Variants in DOCK11 observed in about 807,000 individuals in gnomAD.
DOCK11 encodes dedicator of cytokinesis 11, also known as dedicator of cytokinesis protein 11.
Under a neutral mutation model 169.1 loss-of-function variants are expected in DOCK11, and 70 were observed. The ratio of observed to expected loss-of-function variants is 0.41; its 90% CI spans 0.34 to 0.51. The LOEUF is 0.51. Ranked by LOEUF, DOCK11 falls within the 20% of genes least tolerant of loss-of-function variation. The pLI is 0.10. For synonymous variants in DOCK11, 529 were observed against 541.3 expected (o/e 0.98, Z 0.32); for missense variants, 1,166 against 1,538.8 (o/e 0.76, Z 4.05).
At chrX:118,682,826 CT>C (rs1235481089) in intron 51 of DOCK11, among the ~76,000 whole-genome samples, 3 of 111,926 alleles carry the variant, frequency 2.7e-5, no homozygotes, top group African/African-American at 9.7e-5. Flanking sequence ...AGCAAGTAGG[CT>C]TTCCAGAGGG....
At chrX:118,496,685 G>T (rs930824034) in intron 1 of DOCK11, among the ~76,000 whole-genome samples, 12 of 112,032 alleles carry the variant, frequency 1.1e-4, no homozygotes, top group Non-Finnish European at 3.8e-5. Flanking sequence ...GTGCTGCTGC[G>T]GAGGAAGGGC....
chrX:118,645,084 G>A (rs779782127), intron 40 of DOCK11, among the ~76,000 whole-genome samples: 1 of 111,936 alleles, frequency 8.9e-6, no homozygotes, highest in East Asian at 2.8e-4. Context: ...ACAGTATGGT[G>A]GAGTGTGGTG....
At chrX:118,630,086 C>T (rs2015200027) in intron 34 of DOCK11, among the ~76,000 whole-genome samples, 1 of 110,937 alleles carries the variant, frequency 9.0e-6, no homozygotes, top group Non-Finnish European at 1.9e-5. Context: ...GCTATCTTTC[C>T]TTAAATAGCC....
intron 38 of DOCK11, among the ~76,000 whole-genome samples, chrX:118,640,525 C>G (rs2015503288): frequency 8.9e-6 from 1 of 112,088 alleles, no homozygotes; most frequent in Admixed American, 9.5e-5. Context: ...TTGAAAATGT[C>G]TGACCATAGG....
chrX:118,527,505 A>G (rs910604030), intron 1 of DOCK11, among the ~76,000 whole-genome samples: 1 of 111,990 alleles, frequency 8.9e-6, no homozygotes, highest in Non-Finnish European at 1.9e-5. Context: ...ATTACTGGGA[A>G]CACCGTAACT....
At chrX:118,683,044 A>G (rs1217688552) in intron 51 of DOCK11, 35 bp from the exon 52 acceptor site, 1 of 1,174,793 alleles carries the variant, frequency 8.5e-7, no homozygotes, top group South Asian at 2.0e-5. Flanking sequence ...CTAAGAATAA[A>G]TAACAAGACC....
chrX:118,683,060 C>T lies in DOCK11; in HGVS notation c.5964-19C>T. The T allele has an allele frequency of 8.4e-7, 1 of 1,190,483 alleles. No individual in the cohort carries two copies. The highest frequency in any genetic ancestry group is 1.9e-5 in the South Asian group (1 of 53,349). On this transcript the variant is annotated intron_variant, in intron 51 of 52. Transcript: ENST00000276202. ...TAAGAATAAATAACAAGACCTTTAT[C>T]TTTGATATTCATCCACAGGAAATTT...
At chrX:118,521,954 A>G (rs2011276720) in intron 1 of DOCK11, among the ~76,000 whole-genome samples, 1 of 112,212 alleles carries the variant, frequency 8.9e-6, no homozygotes, top group Non-Finnish European at 1.9e-5. Context: ...AGAGATTTAC[A>G]TTAATATCTT....
Position 118,654,708 on chromosome X carries a change from T to C in DOCK11, c.4802T>C (p.Ile1601Thr). The C allele has an allele frequency of 1.7e-6, 2 of 1,211,914 alleles. No individual in the cohort carries two copies. The highest frequency in any genetic ancestry group is 1.8e-5 in the South Asian group (1 of 57,013). The change falls in exon 43 of 53, where the codon ATT becomes ACT. Residue 1601 changes from isoleucine (I) to threonine (T), a missense_variant. Transcript: ENST00000276202. ...KEHEKDPEMLIDLQYSLAKSY... is the reference protein window; with the variant it reads ...KEHEKDPEMLTDLQYSLAKSY... ...CATGAGAAAGACCCTGAAATGCTAATTGATCTCCAGTATAGCTTAGCCAAG... is the reference window on the plus strand; with the variant it reads ...CATGAGAAAGACCCTGAAATGCTAACTGATCTCCAGTATAGCTTAGCCAAG...
intron 35 of DOCK11, among the ~76,000 whole-genome samples, chrX:118,631,962 T>C (rs138753282): frequency 0.054 from 5,936 of 110,367 alleles, 170 homozygotes; most frequent in Non-Finnish European, 0.081. Context: ...ACCATGACTG[T>C]TTTTGTTTTG....
At chrX:118,590,374 T>C (rs1466928052) in intron 19 of DOCK11, 72 bp downstream of exon 19, 3 of 858,976 alleles carry the variant, frequency 3.5e-6, no homozygotes, top group Non-Finnish European at 5.1e-6. Context: ...ATCATTTTCA[T>C]CATTTTACCA....
intron 1 of DOCK11, among the ~76,000 whole-genome samples, chrX:118,537,077 T>C (rs1182555620): frequency 8.9e-6 from 1 of 111,883 alleles, no homozygotes; most frequent in Non-Finnish European, 1.9e-5. Context: ...CCAAGACTGT[T>C]GTTATTTTTC....
chrX:118,501,263 C>A (rs1410881263), intron 1 of DOCK11, among the ~76,000 whole-genome samples: 1 of 111,283 alleles, frequency 9.0e-6, no homozygotes, highest in African/African-American at 3.3e-5. Flanking sequence ...GGCATATCAC[C>A]TGAGGACAGG....
At chrX:118,641,105 C>A in intron 38 of DOCK11, 85 bp from the exon 39 acceptor site, 1 of 729,987 alleles carries the variant, frequency 1.4e-6, no homozygotes, top group Non-Finnish European at 2.1e-6. Flanking sequence ...CCTTTCTTGT[C>A]TTAAGTCTTT....
At chrX:118,633,315 T>C (rs2015300415) in intron 35 of DOCK11, 1 of 112,131 alleles carries the variant, frequency 8.9e-6, no homozygotes, top group South Asian at 3.7e-4. Flanking sequence ...TATGAGGTTA[T>C]AGAATAATCC....
In DOCK11 at chrX:118,576,728, A is replaced by G. The variant is rs1171902808; in HGVS notation, c.1390-1797A>G. On this transcript the variant is annotated intron_variant, in intron 12 of 52. Coordinates refer to ENST00000276202, the MANE Select transcript of DOCK11 (RefSeq NM_144658.4). ...AACAGCAAGCTTTTATCAATTATCAACTATCTTAAAATTATAGTCCTCATT... is the reference window on the plus strand; with the variant it reads ...AACAGCAAGCTTTTATCAATTATCAGCTATCTTAAAATTATAGTCCTCATT... Among the ~76,000 whole-genome samples the G allele has an allele frequency of 2.7e-5, 3 of 112,607 alleles. No individual in the cohort carries two copies. The East Asian group carries it at 8.4e-4, about 31-fold the overall frequency.
chrX:118,576,029 G>T (rs1361567698), intron 12 of DOCK11, among the ~76,000 whole-genome samples: 1 of 112,433 alleles, frequency 8.9e-6, no homozygotes, highest in Non-Finnish European at 1.9e-5. Flanking sequence ...GACAGATGGC[G>T]AAACTGAAGC....
intron 19 of DOCK11, among the ~76,000 whole-genome samples, chrX:118,592,739 T>C (rs1243811125): frequency 8.9e-6 from 1 of 112,615 alleles, no homozygotes; most frequent in African/African-American, 3.2e-5. Context: ...CTATAAACTA[T>C]AATTTGTGGA....
chrX:118,558,443 C>T (rs1279768037), intron 6 of DOCK11, among the ~76,000 whole-genome samples: 1 of 111,505 alleles, frequency 9.0e-6, no homozygotes, highest in East Asian at 2.8e-4. Flanking sequence ...TCTGTATAGT[C>T]GTTATTTTAA....
Sources: gnomAD v4.1 joint callset for allele counts (sites outside exome capture counted in the v4.1 genomes callset) on GRCh38, gnomAD v4.1.1 for gene constraint, MANE v1.5 for transcripts, NCBI Gene and HGNC (gene_info 2026-07-23, HGNC 2026-07-21) for gene names.